The following EXOC4 variants were observed in gnomAD, a reference collection of about 807,000 sequenced individuals.
The protein encoded by EXOC4 is SEC8-like 1.
EXOC4 carries 71 observed loss-of-function variants against 107.2 expected under a neutral mutation model. That is an observed-to-expected ratio of 0.66 (90% CI 0.55 to 0.81). The LOEUF (loss-of-function observed/expected upper bound fraction) is 0.81, where lower values mean the gene tolerates loss of function less well. EXOC4 is among the 30% of genes least tolerant of loss of function. The pLI is 0.00. For missense variants in EXOC4, 1,108 were observed against 1,189.6 expected (o/e 0.93, Z 1.01); for synonymous variants, 456 against 441.2 (o/e 1.03, Z -0.42).
intron 10 of EXOC4, among the ~76,000 whole-genome samples, chr7:133,738,534 A>G (rs1404940045): frequency 2.0e-5 from 3 of 152,174 alleles, no homozygotes; most frequent in Non-Finnish European, 4.4e-5. Context: ...ATTCTACGAG[A>G]CATTCTTTGT....
intron 9 of EXOC4, among the ~76,000 whole-genome samples, chr7:133,600,430 T>G (rs922168471): frequency 2.0e-5 from 3 of 152,210 alleles, no homozygotes; most frequent in Non-Finnish European, 2.9e-5. Context: ...TATAAGCTAT[T>G]ATTTACATAG....
At chr7:133,648,848 A>G (rs1803061278) in intron 10 of EXOC4, among the ~76,000 whole-genome samples, 1 of 152,220 alleles carries the variant, frequency 6.6e-6, no homozygotes, top group South Asian at 2.1e-4. Context: ...GTGGAAAAAC[A>G]ATGTCGGCAA....
At chr7:133,664,985 A>G (rs907065560) in intron 10 of EXOC4, among the ~76,000 whole-genome samples, 7 of 152,114 alleles carry the variant, frequency 4.6e-5, no homozygotes, top group Admixed American at 4.6e-4. Context: ...TACAGGCACC[A>G]TTTTACAGTG....
At chr7:133,964,742 G>T (rs1403866845) in intron 14 of EXOC4, among the ~76,000 whole-genome samples, 1 of 152,072 alleles carries the variant, frequency 6.6e-6, no homozygotes, top group South Asian at 2.1e-4. Flanking sequence ...ATGGGCATTT[G>T]GGTTGGTTCC....
chr7:133,932,164 C>T (rs1169640183), intron 13 of EXOC4, among the ~76,000 whole-genome samples: 2 of 152,174 alleles, frequency 1.3e-5, no homozygotes, highest in Non-Finnish European at 2.9e-5. Context: ...ATTCTGATTG[C>T]TTTCGTAATA....
chr7:133,572,903 A>G (rs1585005686), intron 9 of EXOC4, among the ~76,000 whole-genome samples: 3 of 152,364 alleles, frequency 2.0e-5, no homozygotes, highest in East Asian at 1.9e-4. Context: ...GTTTCCCACT[A>G]TGAAAATGAG....
At position 133,451,080 on chromosome 7, in the gene EXOC4, T is replaced by G. The variant is rs1257851974; in HGVS notation, c.1183-24248T>G. 2.0e-5 allele frequency among the ~76,000 whole-genome samples: 3 copies of G among 152,198 alleles called. No individual in the cohort carries two copies. In the East Asian group the frequency reaches 5.8e-4, roughly 29 times the overall value. On this transcript the variant is annotated intron_variant, in intron 7 of 17. Coordinates refer to ENST00000253861, the MANE Select transcript of EXOC4 (RefSeq NM_021807.4). ...TTGTACCTACTTCCAAGTAAGCAGA[T>G]TACTTTCCTTCCACTGATGCAACAC...
chr7:133,722,987 G>C (rs1258119064), intron 10 of EXOC4, among the ~76,000 whole-genome samples: 3 of 152,146 alleles, frequency 2.0e-5, no homozygotes, highest in Non-Finnish European at 4.4e-5. Flanking sequence ...ATATGCCTTA[G>C]AGAAAAATTC....
intron 9 of EXOC4, among the ~76,000 whole-genome samples, chr7:133,606,940 A>C (rs1412556139): frequency 2.0e-5 from 3 of 152,050 alleles, no homozygotes; most frequent in Non-Finnish European, 4.4e-5. Context: ...GGATTATTCC[A>C]TCTGTTATTA....
intron 14 of EXOC4, 22 bp downstream of exon 14, chr7:133,938,091 G>C (rs1453104852): frequency 1.2e-6 from 2 of 1,613,142 alleles, no homozygotes; most frequent in Non-Finnish European, 1.7e-6. Flanking sequence ...GTAGGAAGCT[G>C]TTGTGGGGAC....
At chr7:134,071,839 G>A in the EXOC4 span, among the ~76,000 whole-genome samples, 2 of 152,096 alleles carry the variant, frequency 1.3e-5, no homozygotes, top group East Asian at 1.9e-4. Flanking sequence ...GCTATTTTGA[G>A]CCAAACCCCC....
chr7:133,977,447 A>T (rs1445825269), intron 14 of EXOC4, among the ~76,000 whole-genome samples: 2 of 152,184 alleles, frequency 1.3e-5, no homozygotes, highest in East Asian at 3.8e-4. Context: ...GAGAAAGCAA[A>T]TCACTTGCTT....
chr7:133,409,089 C>T (rs1450931604), intron 7 of EXOC4, among the ~76,000 whole-genome samples: 1 of 152,064 alleles, frequency 6.6e-6, no homozygotes, highest in African/African-American at 2.4e-5. Context: ...GATAAATCAC[C>T]ATTGTTCTTA....
At chr7:133,691,938 C>T (rs1368167683) in intron 10 of EXOC4, among the ~76,000 whole-genome samples, 2 of 152,074 alleles carry the variant, frequency 1.3e-5, no homozygotes, top group African/African-American at 2.4e-5. Context: ...CCACTGTGTA[C>T]GTCATAATCT....
chr7:133,686,045 TTC>T (rs1794291026), intron 10 of EXOC4, among the ~76,000 whole-genome samples: 1 of 152,160 alleles, frequency 6.6e-6, no homozygotes, highest in African/African-American at 2.4e-5. Context: ...CATGATTTTA[TTC>T]TTTTTCGTGG....
chr7:134,072,108 C>T, the EXOC4 span, among the ~76,000 whole-genome samples: 2 of 152,196 alleles, frequency 1.3e-5, no homozygotes, highest in Admixed American at 6.5e-5. Context: ...GCTGACCCCC[C>T]ACCAGTTGGA....
chr7:133,824,782 G>A (rs1186858218), intron 11 of EXOC4, among the ~76,000 whole-genome samples: 6 of 152,124 alleles, frequency 3.9e-5, no homozygotes, highest in Admixed American at 3.9e-4. Context: ...CTATCGTAAC[G>A]TGGCGTTCTC....
downstream of EXOC4, among the ~76,000 whole-genome samples, chr7:134,069,538 C>G (rs1213301961): frequency 6.6e-6 from 1 of 152,114 alleles, no homozygotes; most frequent in Non-Finnish European, 1.5e-5. Context: ...CACTCTGTTG[C>G]CCCGGCTGGA....
intron 10 of EXOC4, among the ~76,000 whole-genome samples, chr7:133,731,808 C>T (rs1050673526): frequency 6.6e-6 from 1 of 152,064 alleles, no homozygotes; most frequent in Admixed American, 6.5e-5. Context: ...TTAGAACTCA[C>T]ATTTCAAAAA....
Sources: allele counts gnomAD v4.1 joint callset (sites outside exome capture counted in the v4.1 genomes callset), GRCh38; gene constraint gnomAD v4.1.1; transcripts MANE v1.5; gene names NCBI Gene and HGNC (gene_info 2026-07-23, HGNC 2026-07-21).